TCF20: variants seen among roughly 807,000 people sequenced by gnomAD.
TCF20 encodes SPRE-binding protein.
Under a neutral mutation model 148.6 loss-of-function variants are expected in TCF20, and 3 were observed. That is an observed-to-expected ratio of 0.02 (90% CI 0.01 to 0.05). The LOEUF is 0.05. TCF20 is among the 10% of genes least tolerant of loss of function. The pLI, the probability that TCF20 is intolerant of heterozygous loss-of-function variation, is 1.00. For missense variants in TCF20, 2,350 were observed against 2,429.3 expected, an observed-to-expected ratio of 0.97 and a Z score of 0.69; for synonymous variants, 1,049 against 909.5, an observed-to-expected ratio of 1.15 and a Z score of -2.76.
In TCF20 at chr22:42,299,217, G is replaced by A; in HGVS notation, c.-37+44262C>T. 6.6e-6 allele frequency among the ~76,000 whole-genome samples: 1 copy of A among 152,192 alleles called. No individual in the cohort carries two copies. The highest frequency in any genetic ancestry group is 1.5e-5 in the Non-Finnish European group (1 of 68,026). On this transcript the variant is annotated intron_variant, in intron 1 of 1. Transcript: ENST00000515426. This position sits in a 1 kb window ranked among gnomAD's most constrained non-coding sequence, Gnocchi z 4.1. ...CAAGGGGGCGGTAGGCAGACAGCAA[G>A]AGCAACCAGTGAGCCCAGAGGACAA...
intron 5 of TCF20, among the ~76,000 whole-genome samples, chr22:42,161,972 C>CTTTTTTTTTTTTTTTTTTTTTTTTTTTT (rs3045573): frequency 4.0e-5 from 3 of 75,030 alleles, no homozygotes; most frequent in African/African-American, 1.9e-4. Flanking sequence ...TAATGACAGT[C>CTTTTTTTTTTTTTTTTTTTTTTTTTTTT]TTTTTTTTTT....
intron 1 of TCF20, among the ~76,000 whole-genome samples, chr22:42,241,995 G>A (rs1924444528): frequency 6.6e-6 from 1 of 152,016 alleles, no homozygotes; most frequent in African/African-American, 2.4e-5. Flanking sequence ...GAAGTCAGGA[G>A]ATCGAGACCA....
intron 2 of TCF20, among the ~76,000 whole-genome samples, chr22:42,192,919 ACT>A (rs1937408996): frequency 6.6e-6 from 1 of 152,160 alleles, no homozygotes; most frequent in South Asian, 2.1e-4. Context: ...TCAAAGGGTA[ACT>A]CTGCCACCTG....
At chr22:42,174,844 G>A (rs1354270710) in intron 3 of TCF20, among the ~76,000 whole-genome samples, 4 of 152,070 alleles carry the variant, frequency 2.6e-5, no homozygotes, top group South Asian at 2.1e-4. Context: ...GACCATCCCG[G>A]CTAACACGGT....
At chr22:42,261,143 T>C (rs1926007837) in intron 1 of TCF20, among the ~76,000 whole-genome samples, 2 of 152,218 alleles carry the variant, frequency 1.3e-5, no homozygotes, top group Non-Finnish European at 1.5e-5. Context: ...CTGAGCATAT[T>C]TGTGAGATTA....
chr22:42,210,702 G>A lies in TCF20; in HGVS notation c.4604C>T (p.Pro1535Leu). The A allele has an allele frequency of 6.2e-7, 1 of 1,614,152 alleles. No individual in the cohort carries two copies. Among genetic ancestry groups the A allele is most frequent in the Non-Finnish European group, 8.5e-7 (1 of 1,180,046 alleles). The change falls in exon 2 of 6, where the codon CCA becomes CTA. Residue 1535 changes from proline to leucine, a missense_variant. By Grantham distance (98) the Pro-to-Leu change is moderately conservative. Around this residue, in one of 7 missense-constraint regions of TCF20, gnomAD observed 4 missense variants for 18.4 expected, o/e 0.22. Transcript: ENST00000677622. This position sits in a 1 kb window ranked among gnomAD's most constrained non-coding sequence, Gnocchi z 4.7. ...QEGFPPKGYF[P>L]SGKKKGRPIG... ...GGGTCTCCCCTTCTTCTTTCCTGAT[G>A]GGAAATATCCCTTTGGAGGGAAACC...
intron 1 of TCF20, among the ~76,000 whole-genome samples, chr22:42,330,012 C>T (rs1344358221): frequency 1.3e-5 from 2 of 152,220 alleles, no homozygotes; most frequent in African/African-American, 4.8e-5. Flanking sequence ...CCTGTGGGCC[C>T]CTTCCCTTGG....
At chr22:42,335,039 G>A (rs1015963530) in intron 1 of TCF20, among the ~76,000 whole-genome samples, 1 of 152,124 alleles carries the variant, frequency 6.6e-6, no homozygotes, top group African/African-American at 2.4e-5. Flanking sequence ...AGCCCAGCCT[G>A]ACTTTCGTTC....
Position 42,160,888 on chromosome 22 carries a change from A to C in TCF20, c.*515T>G, listed in dbSNP as rs1282788610. 6.5e-6 allele frequency: 1 copy of C among 154,098 alleles called. No individual in the cohort carries two copies. The highest frequency in any genetic ancestry group is 6.5e-5 in the Admixed American group (1 of 15,450). 9.5% of individuals were successfully genotyped at this position (154,098 alleles called of 1,614,324 possible). A position where few individuals can be genotyped will look rare whatever the true frequency, so the allele number is the denominator to read the frequency against. The stretch of plus-strand genomic sequence containing the variant: ...GGCTAAAGATCAACGCCACACACAC[A>C]CCCCGTCCTTCATGAGATGAGGGTT... On this transcript the variant is annotated 3_prime_UTR_variant, in exon 6 of 6. Coordinates refer to ENST00000677622, the MANE Select transcript of TCF20 (RefSeq NM_001378418.1).
intron 3 of TCF20, among the ~76,000 whole-genome samples, chr22:42,174,661 T>C (rs1237319997): frequency 6.6e-6 from 1 of 152,200 alleles, no homozygotes; most frequent in Admixed American, 6.5e-5. Context: ...GGAGGATCGC[T>C]TGAGCCTAAG....
At chr22:42,242,334 A>G (rs767840441) in intron 1 of TCF20, among the ~76,000 whole-genome samples, 1 of 151,932 alleles carries the variant, frequency 6.6e-6, no homozygotes, top group Non-Finnish European at 1.5e-5. Flanking sequence ...AGTATTGGGA[A>G]TTTTCCAGAA....
chr22:42,264,690 C>G (rs1222657909), intron 1 of TCF20, among the ~76,000 whole-genome samples: 3 of 152,208 alleles, frequency 2.0e-5, no homozygotes, highest in African/African-American at 7.2e-5. Context: ...AAAGTAACAT[C>G]CCCTGAGTTA....
upstream of TCF20, among the ~76,000 whole-genome samples, chr22:42,270,751 G>A (rs1210225342): frequency 6.9e-6 from 1 of 144,972 alleles, no homozygotes; most frequent in Admixed American, 6.8e-5. Flanking sequence ...GCGCGGCGGG[G>A]GCGGGGCGCT....
In TCF20 at chr22:42,210,107, G is replaced by T. The variant is rs749629350; in HGVS notation, c.5199C>A (p.Leu1733=). Reference sequence around the variant, plus strand: ...CCCTCTTAGGAGGTGGATTCTTCGGGAGAGTGGCTGCATAATCTTGGGGAT... The same window carrying T: ...CCCTCTTAGGAGGTGGATTCTTCGGTAGAGTGGCTGCATAATCTTGGGGAT... The part of the protein sequence containing the change: ...PFYPQDYAAT[L]PKNPPPKRAT... The change falls in exon 2 of 6, where the codon CTC becomes CTA. Residue 1733 remains leucine (L), a synonymous_variant. Transcript: ENST00000677622. The surrounding 1 kb of genome is among the most constrained non-coding windows in gnomAD (Gnocchi z 4.7). 6 of 1,614,114 alleles carry T rather than the reference G, an allele frequency of 3.7e-6. No homozygotes were observed. The East Asian group carries it at 1.3e-4, about 36-fold the overall frequency.
At chr22:42,331,449 C>A (rs943129492) in intron 1 of TCF20, among the ~76,000 whole-genome samples, 2 of 152,260 alleles carry the variant, frequency 1.3e-5, no homozygotes, top group Admixed American at 6.5e-5. Flanking sequence ...ACCAAAGCCA[C>A]ATAGCCTTGT....
rs757696721 is a variant in TCF20, at chr22:42,238,213, TAC to T, written c.-36-22874_-36-22873del. Among the ~76,000 whole-genome samples, 10 of 152,386 alleles carry T rather than the reference TAC, an allele frequency of 6.6e-5. No individual in the cohort carries two copies. In the South Asian group the frequency reaches 1.0e-3, roughly 16 times the overall value. ...CTTGCTTCAACTTGCATTTTAATGT[TAC>T]AGAGATGGTTTCAAGAACTTTAGGA... On this transcript the variant is annotated intron_variant, in intron 1 of 5. Transcript: ENST00000677622.
chr22:42,341,583 G>A (rs1928169412), intron 1 of TCF20, among the ~76,000 whole-genome samples: 1 of 152,178 alleles, frequency 6.6e-6, no homozygotes, highest in Non-Finnish European at 1.5e-5. Flanking sequence ...GAAGCAGGAG[G>A]CTTCTGACAC....
chr22:42,270,845 C>T (rs1434923556), upstream of TCF20, among the ~76,000 whole-genome samples: 2 of 149,990 alleles, frequency 1.3e-5, no homozygotes, highest in Non-Finnish European at 3.0e-5. Context: ...CGCGAAGACC[C>T]CCACCTCGCG....
At chr22:42,273,635 T>TTA (rs568755888), upstream of TCF20, among the ~76,000 whole-genome samples, 1 of 144,570 alleles carries the variant, frequency 6.9e-6, no homozygotes, top group Admixed American at 7.0e-5. Context: ...GAAAGAACAG[T>TTA]AAAAAAAAAA....
Sources: allele counts gnomAD v4.1 joint callset (sites outside exome capture counted in the v4.1 genomes callset), GRCh38; gene constraint gnomAD v4.1.1; regional missense constraint gnomAD v4.1.1; non-coding constraint Gnocchi (gnomAD v3.1); transcripts MANE v1.5; gene names NCBI Gene and HGNC (gene_info 2026-07-23, HGNC 2026-07-21).